The following HNRNPM variants were observed in gnomAD, a reference collection of about 807,000 sequenced individuals.
HNRNPM encodes CEA receptor.
Under a neutral mutation model 73.1 loss-of-function variants are expected in HNRNPM, and 11 were observed. That is an observed-to-expected ratio of 0.15 (90% CI 0.09 to 0.25). The LOEUF is 0.25. HNRNPM is among the 10% of genes least tolerant of loss of function. The pLI, the probability that HNRNPM is intolerant of heterozygous loss-of-function variation, is 1.00. For missense variants in HNRNPM, 789 were observed against 1,067.9 expected (o/e 0.74, Z 3.64); for synonymous variants, 407 against 355.2 (o/e 1.15, Z -1.64).
intron 2 of HNRNPM, among the ~76,000 whole-genome samples, chr19:8,457,657 G>A (rs1410011189): frequency 6.6e-6 from 1 of 152,182 alleles, no homozygotes; most frequent in Non-Finnish European, 1.5e-5. Flanking sequence ...TTCAGTATGT[G>A]AGGTCTAAAG....
At chr19:8,448,190 G>A (rs1234253513) in intron 1 of HNRNPM, among the ~76,000 whole-genome samples, 2 of 152,174 alleles carry the variant, frequency 1.3e-5, no homozygotes, top group Admixed American at 1.3e-4. Flanking sequence ...TCTACCAGGA[G>A]TGGAGTGTGC....
intron 12 of HNRNPM, among the ~76,000 whole-genome samples, chr19:8,480,685 C>T (rs901477786): frequency 1.5e-4 from 22 of 151,434 alleles, no homozygotes; most frequent in Admixed American, 4.6e-4. Context: ...AAAAAAAAGG[C>T]ATCTTTACTT....
chr19:8,475,936 AG>A (rs1488984473), intron 12 of HNRNPM, among the ~76,000 whole-genome samples: 5 of 142,062 alleles, frequency 3.5e-5, no homozygotes, highest in African/African-American at 1.3e-4. Context: ...TTTTAAGAAC[AG>A]ATTAGTCATT....
chr19:8,485,654 A>G lies in HNRNPM; in HGVS notation c.1226A>G (p.Asp409Gly). 6.2e-7 allele frequency: 1 copy of G among 1,607,416 alleles called. No individual in the cohort carries two copies. The highest frequency in any genetic ancestry group is 8.5e-7 in the Non-Finnish European group (1 of 1,179,192). ...ATCGAGAGGATGGGTCCTGGCATTG[A>G]CCGCCTCGGGGGTGCCGGCATGGAG... Reference protein sequence around the residue: ...PGIERMGPGIDRLGGAGMERM... With the variant: ...PGIERMGPGIGRLGGAGMERM... Residue 409 changes from aspartate (D) to glycine (G), a missense_variant, in exon 14 of 16, where the codon GAC becomes GGC. Asp to Gly is a moderately conservative substitution (Grantham distance 94, BLOSUM62 -1). This residue lies in a region of HNRNPM where 604 missense variants were observed against 744.0 expected (regional missense o/e 0.81). Transcript: ENST00000325495.
chr19:8,447,034 A>AT (rs1172203789), intron 1 of HNRNPM, among the ~76,000 whole-genome samples: 3 of 152,198 alleles, frequency 2.0e-5, no homozygotes, highest in Non-Finnish European at 4.4e-5. Flanking sequence ...GATAGGGTAA[A>AT]TTAATAGATT....
At position 8,463,656 on chromosome 19, in the gene HNRNPM, T is replaced by C. The variant is rs778365609; in HGVS notation, c.408T>C (p.Ser136=). The change falls in exon 5 of 16, where the codon AGT becomes AGC. Residue 136 remains serine (S), a synonymous_variant. Transcript: ENST00000325495. The part of the protein sequence containing the change: ...KKAAEVLNKH[S]LSGRPLKVKE... Reference sequence around the variant, plus strand: ...CTGCGGAAGTCCTAAACAAGCATAGTCTGAGCGGAAGACCACTGAAAGTCA... The same window carrying C: ...CTGCGGAAGTCCTAAACAAGCATAGCCTGAGCGGAAGACCACTGAAAGTCA... The C allele has an allele frequency of 4.3e-6, 7 of 1,613,632 alleles. No homozygotes were observed. Among genetic ancestry groups the C allele is most frequent in the Admixed American group, 3.3e-5 (2 of 60,010 alleles).
intron 13 of HNRNPM, among the ~76,000 whole-genome samples, chr19:8,484,026 G>T (rs1312322246): frequency 6.6e-6 from 1 of 152,088 alleles, no homozygotes; most frequent in East Asian, 1.9e-4. Context: ...CCTCCAGAGT[G>T]CTGGGATGAC....
chr19:8,457,391 A>G (rs952890714), intron 2 of HNRNPM, among the ~76,000 whole-genome samples: 1 of 152,190 alleles, frequency 6.6e-6, no homozygotes, highest in Non-Finnish European at 1.5e-5. Context: ...GGATACTTCC[A>G]AACTGGTTCT....
chr19:8,460,381 G>C (rs558650118), intron 2 of HNRNPM, among the ~76,000 whole-genome samples: 1 of 152,310 alleles, frequency 6.6e-6, no homozygotes, highest in African/African-American at 2.4e-5. Flanking sequence ...ATGAGTTTGT[G>C]AGGAGGATGG....
At chr19:8,459,748 G>A (rs1969275993) in intron 2 of HNRNPM, among the ~76,000 whole-genome samples, 3 of 152,140 alleles carry the variant, frequency 2.0e-5, no homozygotes, top group Admixed American at 2.0e-4. Flanking sequence ...GTAGCTCCCA[G>A]GGACCGCCTG....
intron 2 of HNRNPM, among the ~76,000 whole-genome samples, chr19:8,456,203 A>G (rs115649135): frequency 0.04 from 6,121 of 152,206 alleles, 274 homozygotes; most frequent in African/African-American, 0.11. Flanking sequence ...GTCATAGCCT[A>G]GGTGTCCACC....
chr19:8,466,625 G>C (rs1969762914), intron 7 of HNRNPM, among the ~76,000 whole-genome samples: 1 of 152,026 alleles, frequency 6.6e-6, no homozygotes, highest in Non-Finnish European at 1.5e-5. Context: ...GTCAGTTCGA[G>C]ACCAGCCTGG....
At chr19:8,448,444 A>G (rs1468984399) in intron 1 of HNRNPM, among the ~76,000 whole-genome samples, 2 of 151,816 alleles carry the variant, frequency 1.3e-5, no homozygotes, top group Admixed American at 6.6e-5. Context: ...TATAAAATAA[A>G]TGACTTAACC....
At chr19:8,461,547 T>C (rs1969398464) in intron 2 of HNRNPM, among the ~76,000 whole-genome samples, 1 of 152,238 alleles carries the variant, frequency 6.6e-6, no homozygotes, top group Admixed American at 6.5e-5. Flanking sequence ...TTTTGGTGGT[T>C]GTCTTGATGG....
intron 12 of HNRNPM, among the ~76,000 whole-genome samples, chr19:8,479,228 G>A (rs750238582): frequency 6.6e-6 from 1 of 151,448 alleles, no homozygotes; most frequent in African/African-American, 2.4e-5. Context: ...TGGCACTGCC[G>A]CCACCACACC....
At chr19:8,449,885 C>G (rs557239112) in intron 1 of HNRNPM, among the ~76,000 whole-genome samples, 3 of 152,190 alleles carry the variant, frequency 2.0e-5, no homozygotes, top group Non-Finnish European at 4.4e-5. Context: ...CTCCATAGGA[C>G]CGAGGCCTAG....
intron 1 of HNRNPM, among the ~76,000 whole-genome samples, chr19:8,446,081 C>T (rs1029237903): frequency 1.3e-5 from 2 of 152,166 alleles, no homozygotes; most frequent in African/African-American, 4.8e-5. Context: ...CCAAGATCAG[C>T]GGCCGGGAAG....
intron 1 of HNRNPM, among the ~76,000 whole-genome samples, chr19:8,450,963 A>G (rs984287060): frequency 2.0e-5 from 3 of 151,460 alleles, no homozygotes; most frequent in Non-Finnish European, 4.4e-5. Flanking sequence ...CTGGAGTGCA[A>G]TGGCATAATC....
chr19:8,450,035 G>T (rs1486933872), intron 1 of HNRNPM, among the ~76,000 whole-genome samples: 1 of 152,216 alleles, frequency 6.6e-6, no homozygotes, highest in Non-Finnish European at 1.5e-5. Context: ...GGTTTTGCTG[G>T]TAAAGCGCTA....
Sources: allele counts gnomAD v4.1 joint callset (sites outside exome capture counted in the v4.1 genomes callset), GRCh38; gene constraint gnomAD v4.1.1; regional missense constraint gnomAD v4.1.1; transcripts MANE v1.5; gene names NCBI Gene and HGNC (gene_info 2026-07-23, HGNC 2026-07-21).